KIF6: variants seen among roughly 807,000 people sequenced by gnomAD.
The protein encoded by KIF6 is kinesin-like protein KIF6.
KIF6 carries 106 observed loss-of-function variants against 112.7 expected under a neutral mutation model. The observed-to-expected ratio is 0.94, with a 90% confidence interval of 0.80 to 1.11. The LOEUF (loss-of-function observed/expected upper bound fraction) is 1.11. Ranked by LOEUF, KIF6 falls within the 50% of genes least tolerant of loss-of-function variation. The pLI, the probability that KIF6 is intolerant of heterozygous loss-of-function variation, is 0.00. For synonymous variants in KIF6, 339 were observed against 339.9 expected, an observed-to-expected ratio of 1.00 and a Z score of 0.03; for missense variants, 929 against 964.0, an observed-to-expected ratio of 0.96 and a Z score of 0.48.
At chr6:39,490,508 G>C (rs1337803363) in intron 13 of KIF6, among the ~76,000 whole-genome samples, 4 of 152,160 alleles carry the variant, frequency 2.6e-5, no homozygotes, top group Admixed American at 6.5e-5. Context: ...AAATGACTTG[G>C]CTACACTAAC....
chr6:39,466,010 C>A (rs1377488813), intron 13 of KIF6, among the ~76,000 whole-genome samples: 1 of 152,214 alleles, frequency 6.6e-6, no homozygotes, highest in Non-Finnish European at 1.5e-5. Context: ...CTCTTGCCCC[C>A]ATCATCCCTT....
intron 10 of KIF6, among the ~76,000 whole-genome samples, chr6:39,571,943 T>G (rs918189580): frequency 1.5e-5 from 2 of 137,308 alleles, no homozygotes; most frequent in African/African-American, 5.3e-5. Flanking sequence ...CCTCTTGACA[T>G]CCTTTAGAAA....
chr6:39,354,163 C>A, intron 19 of KIF6: 1 of 329,328 alleles, frequency 3.0e-6, no homozygotes. Context: ...TGCCCTGCAA[C>A]GGTGACCTGC....
At chr6:39,398,437 C>T (rs925156752) in intron 15 of KIF6, among the ~76,000 whole-genome samples, 2 of 152,228 alleles carry the variant, frequency 1.3e-5, no homozygotes, top group Non-Finnish European at 2.9e-5. Context: ...CAAACCTTCA[C>T]ATTCTTTGAA....
At chr6:39,694,483 A>C (rs1788411459) in intron 3 of KIF6, among the ~76,000 whole-genome samples, 1 of 152,178 alleles carries the variant, frequency 6.6e-6, no homozygotes, top group Non-Finnish European at 1.5e-5. Context: ...AGAATACATA[A>C]ATCAATATAC....
chr6:39,537,400 C>G (rs1381336390), intron 13 of KIF6, among the ~76,000 whole-genome samples: 2 of 152,086 alleles, frequency 1.3e-5, no homozygotes, highest in African/African-American at 4.8e-5. Context: ...ACAAAAATCA[C>G]AAGCATTCCT....
intron 19 of KIF6, among the ~76,000 whole-genome samples, chr6:39,351,450 T>A (rs1329460471): frequency 6.6e-6 from 1 of 152,072 alleles, no homozygotes; most frequent in African/African-American, 2.4e-5. Flanking sequence ...AGACGGGGTT[T>A]CACCTTGTTG....
At chr6:39,509,717 A>C (rs1184305339) in intron 13 of KIF6, among the ~76,000 whole-genome samples, 1 of 152,216 alleles carries the variant, frequency 6.6e-6, no homozygotes, top group African/African-American at 2.4e-5. Context: ...GCCTCCAAGA[A>C]ATATGGGACT....
At chr6:39,643,031 G>A (rs1055640876) in intron 3 of KIF6, among the ~76,000 whole-genome samples, 3 of 152,068 alleles carry the variant, frequency 2.0e-5, no homozygotes, top group Non-Finnish European at 2.9e-5. Context: ...GTTTGTTGAC[G>A]ATAAATTTGC....
At chr6:39,630,901 AT>A (rs1784318983) in intron 5 of KIF6, among the ~76,000 whole-genome samples, 1 of 151,818 alleles carries the variant, frequency 6.6e-6, no homozygotes, top group South Asian at 2.1e-4. Flanking sequence ...ATTTTGTCAA[AT>A]TTTTTTCTGC....
At chr6:39,575,697 A>G (rs1780928017) in intron 10 of KIF6, among the ~76,000 whole-genome samples, 1 of 152,090 alleles carries the variant, frequency 6.6e-6, no homozygotes, top group South Asian at 2.1e-4. Context: ...CATTCTTAAC[A>G]CTGCAGAGGA....
At chr6:39,491,758 T>G in intron 13 of KIF6, among the ~76,000 whole-genome samples, 1 of 152,124 alleles carries the variant, frequency 6.6e-6, no homozygotes, top group Non-Finnish European at 1.5e-5. Context: ...CTACTTGAGC[T>G]GGAGGGAAGG....
At chr6:39,629,751 C>T (rs1349257950) in intron 5 of KIF6, among the ~76,000 whole-genome samples, 2 of 151,942 alleles carry the variant, frequency 1.3e-5, no homozygotes, top group South Asian at 4.1e-4. Context: ...CATCTAAAAA[C>T]TCATTGGCAA....
chr6:39,431,061 C>G lies in KIF6; in HGVS notation c.1746G>C (p.Leu582=). ...CTCTGAGACAGCCTTACCTCTGTTTCAGAATCTGTTTGTTGTCATCGATGG... is the reference window on the plus strand; with the variant it reads ...CTCTGAGACAGCCTTACCTCTGTTTGAGAATCTGTTTGTTGTCATCGATGG... ...SVTIDDNKQI[L]KQRFSEAKAL... is the part of the protein sequence containing the mutation. Residue 582 remains leucine (L), a synonymous_variant, in exon 14 of 23, where the codon CTG becomes CTC. Coordinates refer to ENST00000287152, the MANE Select transcript of KIF6 (RefSeq NM_145027.6). 1.2e-6 allele frequency: 2 copies of G among 1,609,506 alleles called. No individual in the cohort carries two copies. Among genetic ancestry groups the G allele is most frequent in the Non-Finnish European group, 1.7e-6 (2 of 1,176,128 alleles).
intron 3 of KIF6, among the ~76,000 whole-genome samples, chr6:39,664,321 C>T (rs1163520751): frequency 6.6e-6 from 1 of 152,106 alleles, no homozygotes; most frequent in Non-Finnish European, 1.5e-5. Context: ...TTACAATTAC[C>T]TCTAATTTCC....
chr6:39,448,168 G>A (rs1772447555), intron 13 of KIF6, among the ~76,000 whole-genome samples: 1 of 152,044 alleles, frequency 6.6e-6, no homozygotes, highest in African/African-American at 2.4e-5. Flanking sequence ...TGAACAAAAA[G>A]TACATTTTAT....
chr6:39,655,500 T>C (rs1200712990), intron 3 of KIF6, among the ~76,000 whole-genome samples: 4 of 152,130 alleles, frequency 2.6e-5, no homozygotes, highest in African/African-American at 7.2e-5. Context: ...GCATTTCATG[T>C]CTTCACAGGG....
intron 10 of KIF6, among the ~76,000 whole-genome samples, chr6:39,569,060 A>G (rs1267857575): frequency 1.3e-5 from 2 of 152,160 alleles, no homozygotes; most frequent in Non-Finnish European, 2.9e-5. Context: ...TACAGTGAAG[A>G]TTCTTGCAGA....
Position 39,336,666 on chromosome 6 carries a change from A to T in KIF6, c.2429-118T>A. The T allele has an allele frequency of 3.4e-6, 3 of 871,414 alleles. No individual in the cohort carries two copies. In the Admixed American group the frequency reaches 5.5e-5, roughly 16 times the overall value. 54.0% of individuals were successfully genotyped at this position (871,414 alleles called of 1,614,324 possible). On this transcript the variant is annotated intron_variant, in intron 22 of 22. Coordinates refer to ENST00000287152, the MANE Select transcript of KIF6 (RefSeq NM_145027.6). ...ACTCCCCCTGGGTCTTGGGCACTGC[A>T]TCTGTGTCTTGCCTCCCAGGAGCTG...
Sources: allele counts gnomAD v4.1 joint callset (sites outside exome capture counted in the v4.1 genomes callset), GRCh38; gene constraint gnomAD v4.1.1; transcripts MANE v1.5; gene names NCBI Gene and HGNC (gene_info 2026-07-23, HGNC 2026-07-21).